NRCAM: variants seen among roughly 807,000 people sequenced by gnomAD.
The protein encoded by NRCAM is NgCAM-related cell adhesion molecule.
Under a neutral mutation model 156.5 loss-of-function variants are expected in NRCAM, and 83 were observed. That is an observed-to-expected ratio of 0.53 (90% confidence interval 0.44 to 0.64). The LOEUF (loss-of-function observed/expected upper bound fraction) is 0.64, where lower values mean the gene tolerates loss of function less well. NRCAM is among the 30% of genes least tolerant of loss of function. The pLI, the probability that NRCAM is intolerant of heterozygous loss-of-function variation, is 0.00. For missense variants in NRCAM, 1,417 were observed against 1,597.3 expected, an observed-to-expected ratio of 0.89 and a Z score of 1.92; for synonymous variants, 538 against 563.9, an observed-to-expected ratio of 0.95 and a Z score of 0.65.
chr7:108,276,199 T>G (rs1363595722), intron 3 of NRCAM, among the ~76,000 whole-genome samples: 2 of 152,184 alleles, frequency 1.3e-5, no homozygotes, highest in Non-Finnish European at 2.9e-5. Flanking sequence ...CTGAGAAGAA[T>G]GTATATTCTG....
At chr7:108,259,842 G>A (rs146756844) in intron 3 of NRCAM, among the ~76,000 whole-genome samples, 5 of 152,174 alleles carry the variant, frequency 3.3e-5, no homozygotes, top group Non-Finnish European at 7.4e-5. Context: ...GGGGCCTGTC[G>A]GCGGGTGGAG....
At chr7:108,377,537 C>T (rs760250805) in intron 2 of NRCAM, among the ~76,000 whole-genome samples, 2 of 152,010 alleles carry the variant, frequency 1.3e-5, no homozygotes, top group Non-Finnish European at 2.9e-5. Flanking sequence ...AATGCAATCC[C>T]AGGAGTCCCT....
chr7:108,268,636 T>TGGGGGGGGGGGGGGGGGGGGGGGGGGG (rs1300340254), intron 3 of NRCAM, among the ~76,000 whole-genome samples: 1 of 8,492 alleles, frequency 1.2e-4, no homozygotes, highest in African/African-American at 4.8e-4. Context: ...GGGGGGGGGT[T>TGGGGGGGGGGGGGGGGGGGGGGGGGGG]GGGGGGGGCG....
chr7:108,401,536 G>C (rs890151274), intron 1 of NRCAM, among the ~76,000 whole-genome samples: 4 of 152,146 alleles, frequency 2.6e-5, no homozygotes, highest in Non-Finnish European at 5.9e-5. Flanking sequence ...GGAAGATCCT[G>C]TCTCAAAAAC....
intron 11 of NRCAM, among the ~76,000 whole-genome samples, chr7:108,218,948 T>C (rs2090991855): frequency 6.6e-6 from 1 of 151,956 alleles, no homozygotes; most frequent in African/African-American, 2.4e-5. Context: ...TAAATACAAT[T>C]GATAGACCAT....
rs1417405364 is a variant in NRCAM at position 108,432,911 on chromosome 7, GAAAGAGAAAGAGAAA to G, written c.-332+23317_-332+23331del. Among the ~76,000 whole-genome samples, 146 of 141,432 alleles carry G rather than the reference GAAAGAGAAAGAGAAA, an allele frequency of 1.0e-3. 2 individuals are homozygous for G. The highest frequency in any genetic ancestry group is 3.6e-3 in the African/African-American group (142 of 39,592). The allele number at this position is 141,432 out of a possible 152,430, so 92.8% of individuals were successfully genotyped here. ...CTGAAAAAAGAAAGAGAGAGAGAGA[GAAAGAGAAAGAGAAA>G]GAGGAGAAAGAGAAAGAGAAGGAGA... On this transcript the variant is annotated intron_variant, in intron 1 of 32. Coordinates refer to ENST00000379028, the MANE Select transcript of NRCAM (RefSeq NM_001037132.4).
chr7:108,159,477 T>A lies in NRCAM; in HGVS notation c.3663A>T (p.Thr1221=). The A allele has an allele frequency of 6.2e-7, 1 of 1,613,426 alleles. No homozygotes were observed. The highest frequency in any genetic ancestry group is 8.5e-7 in the Non-Finnish European group (1 of 1,179,466). The change falls in exon 32 of 33, where the codon ACA becomes ACT. Residue 1221 remains threonine (T), a synonymous_variant. Transcript: ENST00000379028. ...EIQPMKEDDG[T]FGEYSDAEDH... The stretch of plus-strand genomic sequence containing the variant: ...CAGGGGCTCACCTGTATTCTCCAAA[T>A]GTCCCATCATCTTCCTTCATAGGCT...
At chr7:108,439,633 T>C (rs952368993) in intron 1 of NRCAM, among the ~76,000 whole-genome samples, 2 of 151,956 alleles carry the variant, frequency 1.3e-5, no homozygotes, top group Non-Finnish European at 2.9e-5. Context: ...GGCAGGTGGA[T>C]CACCTGAGGT....
chr7:108,220,700 A>G (rs1009271216), intron 11 of NRCAM, among the ~76,000 whole-genome samples: 1 of 152,246 alleles, frequency 6.6e-6, no homozygotes, highest in African/African-American at 2.4e-5. Flanking sequence ...AACCAACTCA[A>G]GATGAATTAA....
At chr7:108,253,296 A>G (rs965828615) in intron 3 of NRCAM, among the ~76,000 whole-genome samples, 5 of 152,238 alleles carry the variant, frequency 3.3e-5, no homozygotes, top group African/African-American at 1.2e-4. Flanking sequence ...GTGCTCCACC[A>G]GAAGCTGGAT....
At chr7:108,169,270 G>T (rs944716180) in intron 28 of NRCAM, among the ~76,000 whole-genome samples, 1 of 152,096 alleles carries the variant, frequency 6.6e-6, no homozygotes, top group African/African-American at 2.4e-5. Context: ...AATGTTATTT[G>T]AATACCTGAG....
At chr7:108,450,294 C>A (rs1439075400) in intron 1 of NRCAM, among the ~76,000 whole-genome samples, 2 of 150,280 alleles carry the variant, frequency 1.3e-5, no homozygotes, top group African/African-American at 4.9e-5. Context: ...TTCTTAGTCA[C>A]TTGATGGAAA....
chr7:108,318,047 T>TTTG (rs2098951594), intron 2 of NRCAM, among the ~76,000 whole-genome samples: 1 of 124,282 alleles, frequency 8.0e-6, no homozygotes, highest in African/African-American at 3.0e-5. Flanking sequence ...TCCTTTTTTT[T>TTTG]TTTTTTTTTT....
chr7:108,152,297 G>A (rs1465436864), intron 32 of NRCAM, among the ~76,000 whole-genome samples: 3 of 152,008 alleles, frequency 2.0e-5, no homozygotes, highest in Non-Finnish European at 4.4e-5. Flanking sequence ...AGTTGAGTTA[G>A]CAAGGTGAAT....
In NRCAM at chr7:108,232,433, T is replaced by C. The variant is rs200304842; in HGVS notation, c.320A>G (p.Asn107Ser). ...CTCAGCTTTCCCTTCGCTCATGATG[T>C]TAATTATGAGCGTTCCTGTGCCAGG... ...MKPGTGTLII[N>S]IMSEGKAETY... Residue 107 changes from asparagine to serine, a missense_variant, in exon 7 of 33, where the codon AAC (asparagine) becomes AGC (serine). Asn to Ser is a conservative substitution (Grantham distance 46). Coordinates refer to ENST00000379028, the MANE Select transcript of NRCAM (RefSeq NM_001037132.4). 6.2e-7 allele frequency: 1 copy of C among 1,612,826 alleles called. No homozygotes were observed.
intron 3 of NRCAM, among the ~76,000 whole-genome samples, chr7:108,257,005 G>GA (rs777855116): frequency 0.037 from 1,858 of 49,634 alleles, 19 homozygotes; most frequent in Middle Eastern, 0.069. Context: ...GAAGACTGTC[G>GA]AAAAAAAAAA....
At chr7:108,406,364 G>C (rs1455111474) in intron 1 of NRCAM, among the ~76,000 whole-genome samples, 1 of 152,226 alleles carries the variant, frequency 6.6e-6, no homozygotes, top group East Asian at 1.9e-4. Flanking sequence ...AAGTTGGCAA[G>C]AGTAAACAGA....
chr7:108,179,932 C>G (rs989105111), intron 25 of NRCAM, among the ~76,000 whole-genome samples: 1 of 152,062 alleles, frequency 6.6e-6, no homozygotes, highest in African/African-American at 2.4e-5. Context: ...GTTAATGATC[C>G]AAATAAATGT....
At chr7:108,358,676 T>G (rs2099525379) in intron 2 of NRCAM, among the ~76,000 whole-genome samples, 1 of 152,220 alleles carries the variant, frequency 6.6e-6, no homozygotes, top group Non-Finnish European at 1.5e-5. Flanking sequence ...GGCGCTCTGC[T>G]GCTTCAGCCC....
Sources: gnomAD v4.1 joint callset for allele counts (sites outside exome capture counted in the v4.1 genomes callset) on GRCh38, gnomAD v4.1.1 for gene constraint, MANE v1.5 for transcripts, NCBI Gene and HGNC (gene_info 2026-07-23, HGNC 2026-07-21) for gene names.